The following CD72 variants were observed in gnomAD, a reference collection of about 807,000 sequenced individuals.
CD72 encodes the protein CD72 molecule.
A neutral mutation model predicts 50.7 loss-of-function variants in CD72; 28 were observed. The ratio of observed to expected loss-of-function variants is 0.55; its 90% CI spans 0.41 to 0.76. The LOEUF is 0.76. Ranked by LOEUF, CD72 falls within the 30% of genes least tolerant of loss-of-function variation. CD72 has a pLI of 0.00. For synonymous variants in CD72, 176 were observed against 171.2 expected (o/e 1.03, Z -0.22); for missense variants, 403 against 420.6 (o/e 0.96, Z 0.37).
Position 35,617,187 on chromosome 9 carries a change from C to G in CD72, c.251G>C (p.Arg84Pro). 2 of 1,565,438 alleles carry G rather than the reference C, an allele frequency of 1.3e-6. No homozygotes were observed. Among genetic ancestry groups the G allele is most frequent in the Non-Finnish European group, 1.7e-6 (2 of 1,154,628 alleles). Residue 84 changes from arginine to proline, a missense_variant, in exon 3 of 9, where the codon CGG becomes CCG. Coordinates refer to ENST00000259633, the MANE Select transcript of CD72 (RefSeq NM_001782.3). The stretch of plus-strand genomic sequence containing the variant: ...ACAGGCACACTCACAGGGGAGAATC[C>G]GCCCGACAGCTGGTGACGTCACGGC... The part of the protein sequence containing the change: ...WRAVTSPAVG[R>P]ILPCRTTCLR...
upstream of CD72, among the ~76,000 whole-genome samples, chr9:35,622,346 C>T (rs568400500): frequency 7.2e-5 from 11 of 152,306 alleles, no homozygotes; most frequent in East Asian, 1.5e-3. Flanking sequence ...CAGGCCTCTC[C>T]TTGGTCCTGC....
At chr9:35,631,459 A>G (rs888828605) in intron 1 of CD72, among the ~76,000 whole-genome samples, 1 of 152,212 alleles carries the variant, frequency 6.6e-6, no homozygotes, top group Non-Finnish European at 1.5e-5. Context: ...AGGTTTTAGT[A>G]ACTAGTCTTT....
upstream of CD72, chr9:35,618,479 A>T (rs540128816): frequency 8.3e-6 from 12 of 1,454,366 alleles, no homozygotes; most frequent in African/African-American, 1.5e-4. Context: ...AGTCTCAAAC[A>T]GATGGGCTCA....
intron 1 of CD72, among the ~76,000 whole-genome samples, chr9:35,638,851 CCTGCCTAGTTGAAGGGCTTAAAAAGG>C (rs1330661998): frequency 6.6e-6 from 1 of 151,926 alleles, no homozygotes; most frequent in Non-Finnish European, 1.5e-5. Context: ...TACATGATTT[CCTGCCTAGTTGAAGGGCTTAAAAAGG>C]CAGCACACAA....
intron 1 of CD72, among the ~76,000 whole-genome samples, chr9:35,632,723 T>C (rs1823257338): frequency 6.6e-6 from 1 of 151,044 alleles, no homozygotes; most frequent in African/African-American, 2.4e-5. Context: ...GTTACAGGTG[T>C]CTGCCACTGC....
chr9:35,615,934 AGCGGATACCT>A lies in CD72; in HGVS notation c.687_688+8del, dbSNP rs770366343. 3.1e-6 allele frequency: 5 copies of A among 1,607,630 alleles called. No individual in the cohort carries two copies. The highest frequency in any genetic ancestry group is 4.3e-6 in the Non-Finnish European group (5 of 1,175,970). ...TCCCTCCCTTCTCTCCTCTCCCCAG[AGCGGATACCT>A]GCTGAGCCGCATGTGAAGAAGGGCT... On this transcript the variant is annotated splice_donor_variant and splice_donor_5th_base_variant and coding_sequence_variant and intron_variant, in exon 5 of 9. Transcript: ENST00000259633. LOFTEE classifies it high-confidence loss of function.
chr9:35,634,534 G>C (rs1044432431), intron 1 of CD72, among the ~76,000 whole-genome samples: 1 of 152,144 alleles, frequency 6.6e-6, no homozygotes, highest in Non-Finnish European at 1.5e-5. Flanking sequence ...TGTATTTTTA[G>C]TAGAGACAGG....
chr9:35,616,937 C>T (rs1823073069), intron 3 of CD72: 3 of 1,391,220 alleles, frequency 2.2e-6, no homozygotes, highest in South Asian at 2.9e-5. Flanking sequence ...AAGGAAATAT[C>T]AGACGGAGAG....
chr9:35,643,508 G>A (rs916280661), intron 1 of CD72: 1 of 152,082 alleles, frequency 6.6e-6, no homozygotes, highest in Non-Finnish European at 1.5e-5. Flanking sequence ...AATAAACAAC[G>A]CTTCACTTAA....
At chr9:35,623,627 G>C (rs1026734036), upstream of CD72, among the ~76,000 whole-genome samples, 1 of 152,156 alleles carries the variant, frequency 6.6e-6, no homozygotes, top group Non-Finnish European at 1.5e-5. Flanking sequence ...ATTAAAATTA[G>C]CAAGCGAGGC....
At chr9:35,643,986 A>AAAAC (rs760031923) in intron 1 of CD72, among the ~76,000 whole-genome samples, 40 of 151,778 alleles carry the variant, frequency 2.6e-4, no homozygotes, top group African/African-American at 7.3e-4. Context: ...ACTCCGTCTC[A>AAAAC]AAACAAACAA....
chr9:35,632,927 GTT>G (rs762196572), intron 1 of CD72, among the ~76,000 whole-genome samples: 1 of 129,646 alleles, frequency 7.7e-6, no homozygotes, highest in African/African-American at 2.8e-5. Flanking sequence ...ATCCTTTTTA[GTT>G]TTTTTTTTTT....
Position 35,610,588 on chromosome 9 carries a change from T to A in CD72, c.*22+14A>T, listed in dbSNP as rs1453293617. 1.2e-6 allele frequency: 2 copies of A among 1,604,180 alleles called. No homozygotes were observed. Among genetic ancestry groups the A allele is most frequent in the African/African-American group, 2.7e-5 (2 of 74,700 alleles). Reference sequence around the variant, plus strand: ...CTGGACTCCCCATGCCTCAGCCCCATCCCTCACTCTTACCAACTCAGTGCA... The same window carrying A: ...CTGGACTCCCCATGCCTCAGCCCCAACCCTCACTCTTACCAACTCAGTGCA... On this transcript the variant is annotated intron_variant, in intron 8 of 8. Transcript: ENST00000259633.
In CD72 at chr9:35,618,329, C is replaced by T. The variant is rs371821333; in HGVS notation, c.-26G>A. On this transcript the variant is annotated 5_prime_UTR_variant, in exon 1 of 9. Transcript: ENST00000259633. ...GGTCCTGAGCAGCTCTGCCCCCACT[C>T]GTCTTCCCTGTCATCCACTGTCCTC... The T allele has an allele frequency of 5.6e-6, 9 of 1,613,840 alleles. No individual in the cohort carries two copies. The highest frequency in any genetic ancestry group is 3.3e-5 in the Admixed American group (2 of 59,988).
At chr9:35,640,524 G>A (rs1474627896) in intron 1 of CD72, among the ~76,000 whole-genome samples, 1 of 152,204 alleles carries the variant, frequency 6.6e-6, no homozygotes, top group Non-Finnish European at 1.5e-5. Context: ...CGATTAGGAC[G>A]AACCCAGGCA....
intron 6 of CD72, 148 bp from the exon 7 acceptor site, chr9:35,612,067 C>A (rs951762480): frequency 3.0e-5 from 18 of 595,476 alleles, no homozygotes; most frequent in Middle Eastern, 4.2e-4. Flanking sequence ...CCATCAAGTG[C>A]CACCCTGCAG....
chr9:35,632,841 G>C (rs1823258176), intron 1 of CD72, among the ~76,000 whole-genome samples: 1 of 151,644 alleles, frequency 6.6e-6, no homozygotes, highest in Non-Finnish European at 1.5e-5. Flanking sequence ...GCCTACCAAA[G>C]TGCTGGGATT....
chr9:35,616,398 G>T (rs1823064845), intron 4 of CD72, 120 bp from the exon 5 acceptor site: 1 of 875,760 alleles, frequency 1.1e-6, no homozygotes, highest in Non-Finnish European at 1.8e-6. Context: ...TGAAATACAA[G>T]ATTTGACTGA....
intron 7 of CD72, 54 bp downstream of exon 7, chr9:35,611,750 C>T: frequency 3.2e-6 from 3 of 947,756 alleles, no homozygotes; most frequent in South Asian, 2.6e-5. Flanking sequence ...ATTACCATGT[C>T]TTTATGGAGG....
Sources: allele counts gnomAD v4.1 joint callset (sites outside exome capture counted in the v4.1 genomes callset), GRCh38; gene constraint gnomAD v4.1.1; transcripts MANE v1.5; gene names NCBI Gene and HGNC (gene_info 2026-07-23, HGNC 2026-07-21).